Variants in EFR3B observed in about 807,000 individuals in gnomAD.
EFR3B encodes the protein EFR3 homolog B, also known as protein EFR3 homolog B.
A neutral mutation model predicts 104.7 loss-of-function variants in EFR3B; 64 were observed. The observed-to-expected ratio is 0.61, with a 90% CI of 0.50 to 0.75. The LOEUF is 0.75. EFR3B is among the 30% of genes least tolerant of loss of function. EFR3B has a pLI of 0.00. For synonymous variants in EFR3B, 385 were observed against 417.9 expected (o/e 0.92, Z 0.96); for missense variants, 750 against 1,078.5 (o/e 0.70, Z 4.27).
chr2:25,068,861 C>T (rs529085489), intron 1 of EFR3B, among the ~76,000 whole-genome samples: 2 of 151,616 alleles, frequency 1.3e-5, no homozygotes, highest in African/African-American at 4.8e-5. Flanking sequence ...TATCTCCTGA[C>T]CTTGTGGTCC....
At chr2:25,143,385 A>G (rs924830959) in intron 17 of EFR3B, among the ~76,000 whole-genome samples, 26 of 152,138 alleles carry the variant, frequency 1.7e-4, no homozygotes, top group African/African-American at 4.6e-4. Context: ...TTGGCCGGGC[A>G]TGGTGGCTCA....
intron 1 of EFR3B, among the ~76,000 whole-genome samples, chr2:25,085,134 C>T (rs946972554): frequency 7.2e-5 from 11 of 152,224 alleles, no homozygotes; most frequent in African/African-American, 2.7e-4. Flanking sequence ...CCTTCCCCAA[C>T]TATCGGAGCT....
chr2:25,140,758 T>C (rs911323780), intron 16 of EFR3B, among the ~76,000 whole-genome samples: 7 of 152,104 alleles, frequency 4.6e-5, no homozygotes, highest in African/African-American at 1.7e-4. Context: ...AACACAGGAA[T>C]GAGGCCAGGT....
chr2:25,139,008 A>T (rs1670590855), intron 15 of EFR3B, 51 bp from the exon 16 acceptor site: 1 of 1,550,176 alleles, frequency 6.5e-7, no homozygotes, highest in Non-Finnish European at 8.7e-7. Flanking sequence ...GTTGGCACCC[A>T]GTGTAGTCTG....
chr2:25,144,313 C>T (rs1418848581), intron 18 of EFR3B, among the ~76,000 whole-genome samples: 11 of 152,168 alleles, frequency 7.2e-5, no homozygotes, highest in African/African-American at 2.4e-4. Context: ...GAGGCTGAGG[C>T]GGATGGATTG....
At chr2:25,085,763 C>T (rs1668934905) in intron 1 of EFR3B, among the ~76,000 whole-genome samples, 1 of 151,696 alleles carries the variant, frequency 6.6e-6, no homozygotes, top group Non-Finnish European at 1.5e-5. Context: ...CCGCGCCTGA[C>T]CAAAATGAGG....
intron 17 of EFR3B, among the ~76,000 whole-genome samples, chr2:25,141,648 A>C (rs535033747): frequency 2.4e-4 from 36 of 152,340 alleles, no homozygotes; most frequent in African/African-American, 8.7e-4. Context: ...ATGCTGAGCC[A>C]TGTTTGCAGA....
At position 25,121,814 on chromosome 2, in the gene EFR3B, G is replaced by A; in HGVS notation, c.485+20G>A. The A allele has an allele frequency of 1.9e-6, 3 of 1,551,762 alleles. No individual in the cohort carries two copies. The highest frequency in any genetic ancestry group is 4.9e-5 in the East Asian group (2 of 40,928). On this transcript the variant is annotated intron_variant, in intron 5 of 22. Coordinates refer to ENST00000403714, the MANE Select transcript of EFR3B (RefSeq NM_014971.2). ...GACCAAGTGAGTAGGGGAAGGCAAG[G>A]GTAGTTGGTTCAGCTTACAGCAGAA...
At chr2:25,091,268 C>A (rs1669105452) in intron 1 of EFR3B, 57 bp from the exon 2 acceptor site, 2 of 1,523,272 alleles carry the variant, frequency 1.3e-6, no homozygotes, top group Non-Finnish European at 8.9e-7. Context: ...CTGGCTCCAA[C>A]CTTTCCTGGG....
At chr2:25,080,120 T>C (rs1668751625) in intron 1 of EFR3B, 2 of 1,042,396 alleles carry the variant, frequency 1.9e-6, no homozygotes, top group Non-Finnish European at 3.0e-6. Context: ...GCCGTGACTA[T>C]ACCCTGTGCA....
intron 1 of EFR3B, among the ~76,000 whole-genome samples, chr2:25,058,623 G>T (rs1160931504): frequency 6.6e-6 from 1 of 152,048 alleles, no homozygotes; most frequent in Admixed American, 6.6e-5. Flanking sequence ...GCCAGGCATG[G>T]TGGCGAGTGC....
intron 1 of EFR3B, among the ~76,000 whole-genome samples, chr2:25,081,899 A>G (rs893074519): frequency 2.0e-5 from 3 of 152,168 alleles, no homozygotes; most frequent in Admixed American, 2.0e-4. Flanking sequence ...TTTGAAAAGC[A>G]TGATGTAGTT....
chr2:25,058,849 G>GA (rs1377186300), intron 1 of EFR3B, among the ~76,000 whole-genome samples: 1 of 151,122 alleles, frequency 6.6e-6, no homozygotes, highest in East Asian at 1.9e-4. Context: ...CAGCTAGTGG[G>GA]AAAAAATGGT....
intron 4 of EFR3B, among the ~76,000 whole-genome samples, chr2:25,119,900 C>T (rs1236421236): frequency 6.6e-6 from 1 of 152,142 alleles, no homozygotes; most frequent in Non-Finnish European, 1.5e-5. Context: ...TGAGAGTCCA[C>T]TAACTAGATA....
Position 25,116,864 on chromosome 2 carries a change from G to A in EFR3B, c.364-4809G>A, listed in dbSNP as rs114030357. Among the ~76,000 whole-genome samples the A allele has an allele frequency of 5.0e-3, 768 of 152,098 alleles. 15 individuals are homozygous for A. Among genetic ancestry groups the A allele is most frequent in the Admixed American group, 0.022 (336 of 15,262 alleles). On this transcript the variant is annotated intron_variant, in intron 4 of 22. Coordinates refer to ENST00000403714, the MANE Select transcript of EFR3B (RefSeq NM_014971.2). ...GATTACCACTTATGTTTTCTACCTC[G>A]CACCACCTCAGGGGTAGCTGCAGAA...
chr2:25,101,492 G>T (rs1047838213), intron 3 of EFR3B, among the ~76,000 whole-genome samples: 31 of 152,102 alleles, frequency 2.0e-4, no homozygotes, highest in Non-Finnish European at 3.2e-4. Flanking sequence ...GGGATTACAG[G>T]CATACACCAC....
At chr2:25,058,703 G>A (rs1256715814) in intron 1 of EFR3B, among the ~76,000 whole-genome samples, 1 of 151,476 alleles carries the variant, frequency 6.6e-6, no homozygotes, top group African/African-American at 2.4e-5. Flanking sequence ...AGCTTGCAGT[G>A]AGCCGAGATC....
intron 1 of EFR3B, among the ~76,000 whole-genome samples, chr2:25,051,424 T>C (rs1667865530): frequency 6.6e-6 from 1 of 151,546 alleles, no homozygotes; most frequent in South Asian, 2.1e-4. Context: ...CTGATTTCTC[T>C]TTTGATGGAT....
intron 13 of EFR3B, among the ~76,000 whole-genome samples, chr2:25,135,842 AG>A (rs1670502408): frequency 6.6e-6 from 1 of 152,182 alleles, no homozygotes; most frequent in Non-Finnish European, 1.5e-5. Context: ...CTGCAAGAGA[AG>A]GAGAGACTAA....
Sources: allele counts gnomAD v4.1 joint callset (sites outside exome capture counted in the v4.1 genomes callset), GRCh38; gene constraint gnomAD v4.1.1; transcripts MANE v1.5; gene names NCBI Gene and HGNC (gene_info 2026-07-23, HGNC 2026-07-21).